C16orf89: variants seen among roughly 807,000 people sequenced by gnomAD.
The protein encoded by C16orf89 is UPF0764 protein C16orf89.
C16orf89 carries 57 observed loss-of-function variants against 41.5 expected under a neutral mutation model. That is an observed-to-expected ratio of 1.38 (90% CI 1.11 to 1.71). The LOEUF is 1.71. C16orf89 is among the 40% of genes most tolerant of loss of function. C16orf89 has a pLI of 0.00. For synonymous variants in C16orf89, 223 were observed against 190.6 expected, an observed-to-expected ratio of 1.17 and a Z score of -1.40; for missense variants, 575 against 445.9, an observed-to-expected ratio of 1.29 and a Z score of -2.61.
chr16:5,064,505 A>G (rs923782277), intron 1 of C16orf89, among the ~76,000 whole-genome samples: 3 of 152,252 alleles, frequency 2.0e-5, no homozygotes, highest in Non-Finnish European at 4.4e-5. Context: ...CAGCTGAAGG[A>G]TGAGGAAACC....
intron 3 of C16orf89, among the ~76,000 whole-genome samples, chr16:5,059,272 A>G (rs113070778): frequency 0.015 from 2,263 of 151,334 alleles, 50 homozygotes; most frequent in African/African-American, 0.052. Flanking sequence ...ATAAAAATAA[A>G]ATAAAATAAA....
intron 6 of C16orf89, 126 bp from the exon 7 acceptor site, chr16:5,048,090 C>T (rs1956332311): frequency 4.9e-6 from 3 of 616,298 alleles, no homozygotes; most frequent in Non-Finnish European, 5.7e-6. Context: ...TGCAGTAACG[C>T]AATCATAGCT....
At position 5,056,085 on chromosome 16, in the gene C16orf89, G is replaced by A; in HGVS notation, c.731C>T (p.Ala244Val). The change falls in exon 5 of 8, where the codon GCC becomes GTC. Residue 244 changes from alanine to valine, a missense_variant. Coordinates refer to ENST00000472572, the MANE Select transcript of C16orf89 (RefSeq NM_001098514.3). ...CATGAAGATGTCCCGGGTAGGGTAG[G>A]CGTATCCGATGGCCTCAGCTCTGCG... ...LNRRAEAIGY[A>V]YPTRDIFMEN... The A allele has an allele frequency of 6.3e-7, 1 of 1,598,042 alleles. No homozygotes were observed. The highest frequency in any genetic ancestry group is 8.6e-7 in the Non-Finnish European group (1 of 1,166,538).
rs367933306 is a variant in C16orf89, at chr16:5,060,414, G to A, written c.381C>T (p.Pro127=). 41 of 1,613,152 alleles carry A rather than the reference G, an allele frequency of 2.5e-5. No individual in the cohort carries two copies. Among genetic ancestry groups the A allele is most frequent in the African/African-American group, 1.9e-4 (14 of 75,016 alleles). Residue 127 remains proline (P), a synonymous_variant, in exon 3 of 8, where the codon CCC becomes CCT. Coordinates refer to ENST00000472572, the MANE Select transcript of C16orf89 (RefSeq NM_001098514.3). ...YLREFQLTLQ[P]GFWKLPHAWI... Reference sequence around the variant, plus strand: ...AGGCATGTGGGAGCTTCCAAAACCCGGGCTGGAGGGTCAGCTGGAACTCTG... The same window carrying A: ...AGGCATGTGGGAGCTTCCAAAACCCAGGCTGGAGGGTCAGCTGGAACTCTG...
At chr16:5,063,494 G>T (rs1436410559) in intron 1 of C16orf89, among the ~76,000 whole-genome samples, 1 of 152,184 alleles carries the variant, frequency 6.6e-6, no homozygotes, top group Non-Finnish European at 1.5e-5. Flanking sequence ...TTAGGAATGG[G>T]GCCGCACAGC....
Position 5,060,421 on chromosome 16 carries a change from A to C in C16orf89, c.374T>G (p.Leu125Arg), listed in dbSNP as rs752042910. Residue 125 changes from leucine (L) to arginine (R), a missense_variant, in exon 3 of 8, where the codon CTC (leucine) becomes CGC (arginine). Coordinates refer to ENST00000472572, the MANE Select transcript of C16orf89 (RefSeq NM_001098514.3). Reference protein sequence around the residue: ...PKYLREFQLTLQPGFWKLPHA... With the variant: ...PKYLREFQLTRQPGFWKLPHA... Reference sequence around the variant, plus strand: ...TGGGAGCTTCCAAAACCCGGGCTGGAGGGTCAGCTGGAACTCTGGCAGAGA... The same window carrying C: ...TGGGAGCTTCCAAAACCCGGGCTGGCGGGTCAGCTGGAACTCTGGCAGAGA... 1.2e-6 allele frequency: 2 copies of C among 1,612,606 alleles called. No homozygotes were observed. The highest frequency in any genetic ancestry group is 3.3e-5 in the Admixed American group (2 of 59,876).
intron 3 of C16orf89, among the ~76,000 whole-genome samples, chr16:5,059,646 G>A (rs1567158140): frequency 6.6e-6 from 1 of 152,126 alleles, no homozygotes; most frequent in African/African-American, 2.4e-5. Flanking sequence ...GCTGCCCTGG[G>A]GCCTTGTTCC....
chr16:5,055,214 C>T, intron 6 of C16orf89, 32 bp downstream of exon 6: 1 of 1,541,772 alleles, frequency 6.5e-7, no homozygotes, highest in Non-Finnish European at 8.9e-7. Context: ...CCCACTGCCC[C>T]CCTTCTTAGC....
chr16:5,054,750 C>G (rs1198641656), intron 6 of C16orf89, among the ~76,000 whole-genome samples: 1 of 152,194 alleles, frequency 6.6e-6, no homozygotes, highest in Non-Finnish European at 1.5e-5. Context: ...CCGTTTCCCC[C>G]ATACCGTTCT....
chr16:5,048,352 T>C (rs1016226808), intron 6 of C16orf89, among the ~76,000 whole-genome samples: 1 of 152,220 alleles, frequency 6.6e-6, no homozygotes, highest in Non-Finnish European at 1.5e-5. Flanking sequence ...AATTTTTAAA[T>C]GTTACTCACT....
intron 6 of C16orf89, among the ~76,000 whole-genome samples, chr16:5,054,304 G>A (rs144528311): frequency 0.016 from 2,379 of 152,236 alleles, 33 homozygotes; most frequent in Non-Finnish European, 0.022. Context: ...GAGGCTGAGA[G>A]GGGTGAAGCG....
chr16:5,057,552 G>A (rs779090852), intron 4 of C16orf89, among the ~76,000 whole-genome samples: 7 of 150,056 alleles, frequency 4.7e-5, no homozygotes, highest in Non-Finnish European at 7.4e-5. Context: ...TATAGAGAGC[G>A]GCATATATAT....
Position 5,055,633 on chromosome 16 carries a change from A to T in C16orf89, c.764-283T>A, listed in dbSNP as rs1017658698. 15 of 1,474,312 alleles carry T rather than the reference A, an allele frequency of 1.0e-5. No individual in the cohort carries two copies. In the African/African-American group the frequency reaches 2.1e-4, roughly 21 times the overall value. The allele number at this position is 1,474,312 out of a possible 1,614,324, so 91.3% of individuals were successfully genotyped here. A position where few individuals can be genotyped will look rare whatever the true frequency, so the allele number is the denominator to read the frequency against. On this transcript the variant is annotated intron_variant, in intron 5 of 7. Transcript: ENST00000472572. ...ACCCCAGCCAGCTAGCAGCCTCCCAAGCGCTCCCTGTCTGCCTCATCCATA... is the reference window on the plus strand; with the variant it reads ...ACCCCAGCCAGCTAGCAGCCTCCCATGCGCTCCCTGTCTGCCTCATCCATA...
chr16:5,065,132 A>G (rs1046411984), intron 1 of C16orf89, among the ~76,000 whole-genome samples: 3 of 151,824 alleles, frequency 2.0e-5, no homozygotes, highest in African/African-American at 7.3e-5. Context: ...GCGTGCGTGC[A>G]TGTGTGCTTG....
chr16:5,060,523 G>T, intron 2 of C16orf89, 87 bp from the exon 3 acceptor site: 1 of 1,381,404 alleles, frequency 7.2e-7, no homozygotes, highest in Non-Finnish European at 9.9e-7. Context: ...TCCTCCTGCA[G>T]CCCTGCCCAC....
chr16:5,044,803 C>G, intron 7 of C16orf89: 1 of 1,219,248 alleles, frequency 8.2e-7, no homozygotes, highest in Non-Finnish European at 1.1e-6. Flanking sequence ...GAGATTGCGC[C>G]ACTGTACTCC....
intron 4 of C16orf89, among the ~76,000 whole-genome samples, chr16:5,058,149 G>C (rs1451961427): frequency 6.6e-6 from 1 of 151,568 alleles, no homozygotes; most frequent in Non-Finnish European, 1.5e-5. Context: ...TTTTTTTGAG[G>C]CAGAGTCTTA....
At chr16:5,063,853 A>C (rs1489358128) in intron 1 of C16orf89, among the ~76,000 whole-genome samples, 2 of 152,220 alleles carry the variant, frequency 1.3e-5, no homozygotes, top group Non-Finnish European at 2.9e-5. Flanking sequence ...TGGGCTGGGC[A>C]CGGTGGCTCA....
At chr16:5,061,184 C>T (rs1956613002) in intron 2 of C16orf89, among the ~76,000 whole-genome samples, 1 of 147,796 alleles carries the variant, frequency 6.8e-6, no homozygotes, top group South Asian at 2.1e-4. Flanking sequence ...ATAGCATGAA[C>T]CCGGGAGACA....
Sources: gnomAD v4.1 joint callset for allele counts (sites outside exome capture counted in the v4.1 genomes callset) on GRCh38, gnomAD v4.1.1 for gene constraint, MANE v1.5 for transcripts, NCBI Gene and HGNC (gene_info 2026-07-23, HGNC 2026-07-21) for gene names.